Variants in P3H2 observed in about 807,000 individuals in gnomAD.
P3H2 encodes the protein prolyl 3-hydroxylase 2.
Under a neutral mutation model 87.0 loss-of-function variants are expected in P3H2, and 80 were observed. The ratio of observed to expected loss-of-function variants is 0.92; its 90% confidence interval spans 0.77 to 1.11. P3H2 has a LOEUF of 1.11. P3H2 is among the 50% of genes least tolerant of loss of function. The probability of loss-of-function intolerance (pLI) is 0.00; values close to 1 mark genes in which losing one functional copy is unlikely to be tolerated. For synonymous variants in P3H2, 367 were observed against 359.3 expected (o/e 1.02, Z -0.24); for missense variants, 1,001 against 923.9 (o/e 1.08, Z -1.08).
chr3:190,004,140 T>C (rs1724304779), intron 1 of P3H2, among the ~76,000 whole-genome samples: 1 of 152,212 alleles, frequency 6.6e-6, no homozygotes, highest in African/African-American at 2.4e-5. Context: ...ACAATCTAAC[T>C]TGTGAGGTTG....
chr3:190,083,818 G>C (rs941622722), intron 1 of P3H2, among the ~76,000 whole-genome samples: 20 of 152,096 alleles, frequency 1.3e-4, no homozygotes, highest in Admixed American at 1.3e-3. Context: ...AACCCTCCCT[G>C]GTGGCTCCCA....
In P3H2 at chr3:190,071,558, A is replaced by G. The variant is rs531844021; in HGVS notation, c.480+48694T>C. On this transcript the variant is annotated intron_variant, in intron 1 of 14. Coordinates refer to ENST00000319332, the MANE Select transcript of P3H2 (RefSeq NM_018192.4). The stretch of plus-strand genomic sequence containing the variant: ...TCCAAATCATTCCAATGAAGAATGT[A>G]AAAGCACAATTGTGCTGTTTTACTC... Among the ~76,000 whole-genome samples the G allele has an allele frequency of 2.0e-5, 3 of 152,334 alleles. No individual in the cohort carries two copies. In the South Asian group the frequency reaches 6.2e-4, roughly 32 times the overall value.
chr3:189,994,779 A>C (rs932219130), intron 2 of P3H2, among the ~76,000 whole-genome samples: 7 of 151,834 alleles, frequency 4.6e-5, no homozygotes, highest in African/African-American at 1.7e-4. Flanking sequence ...GGCTTTCAAC[A>C]TGTGATTTCA....
intron 1 of P3H2, among the ~76,000 whole-genome samples, chr3:190,061,861 T>C (rs116155156): frequency 0.027 from 4,106 of 152,242 alleles, 180 homozygotes; most frequent in African/African-American, 0.093. Flanking sequence ...TTTGAGAAAG[T>C]TCCTCAGTCT....
chr3:189,981,282 G>A (rs921612268), intron 8 of P3H2, among the ~76,000 whole-genome samples: 2 of 152,130 alleles, frequency 1.3e-5, no homozygotes, highest in African/African-American at 4.8e-5. Flanking sequence ...CTTGCAATTG[G>A]CATCTGAAAT....
At position 189,957,178 on chromosome 3, in the gene P3H2, G is replaced by A. The variant is rs1469004112; in HGVS notation, c.*734C>T. 1.5e-5 allele frequency: 6 copies of A among 398,622 alleles called. No homozygotes were observed. Among genetic ancestry groups the A allele is most frequent in the Middle Eastern group, 6.3e-4 (1 of 1,588 alleles). The allele number at this position is 398,622 out of a possible 1,614,324, so 24.7% of individuals were successfully genotyped here. ...ACAGTAATCATCCATGAGATCTCCC[G>A]GAGCCTGGGTGATCATTACGCCCAT... On this transcript the variant is annotated 3_prime_UTR_variant, in exon 15 of 15. Transcript: ENST00000319332.
upstream of P3H2, chr3:190,121,659 C>T (rs7636165): frequency 0.35 from 53,369 of 152,046 alleles, 9,796 homozygotes; most frequent in African/African-American, 0.48. Context: ...CCCAGAGAAC[C>T]TTTGGAGGCA....
intron 1 of P3H2, among the ~76,000 whole-genome samples, chr3:190,095,574 AAAAC>A (rs1727550053): frequency 6.6e-6 from 1 of 150,398 alleles, no homozygotes; most frequent in Non-Finnish European, 1.5e-5. Flanking sequence ...GGGAAATTAA[AAAAC>A]AAAAACAAGT....
intron 1 of P3H2, among the ~76,000 whole-genome samples, chr3:190,066,689 C>A (rs1233571532): frequency 3.9e-5 from 6 of 152,122 alleles, no homozygotes; most frequent in Non-Finnish European, 8.8e-5. Flanking sequence ...TGAAAAAAAT[C>A]TGATAGTGAA....
intron 1 of P3H2, among the ~76,000 whole-genome samples, chr3:190,058,725 T>C (rs760199347): frequency 1.3e-5 from 2 of 152,170 alleles, no homozygotes; most frequent in East Asian, 1.9e-4. Flanking sequence ...TCAACCTTCA[T>C]TTCAGCTACT....
At chr3:190,057,619 A>G (rs1231180970) in intron 1 of P3H2, among the ~76,000 whole-genome samples, 2 of 143,622 alleles carry the variant, frequency 1.4e-5, no homozygotes, top group Non-Finnish European at 3.1e-5. Context: ...CGCTGAGAGG[A>G]AAGAAAAAAG....
At chr3:190,063,300 T>C (rs939212696) in intron 1 of P3H2, among the ~76,000 whole-genome samples, 1 of 152,162 alleles carries the variant, frequency 6.6e-6, no homozygotes, top group African/African-American at 2.4e-5. Flanking sequence ...ACAGTATTTA[T>C]CATTTCCATG....
intron 1 of P3H2, among the ~76,000 whole-genome samples, chr3:190,041,274 T>TAAAAAAAAAAAAA (rs67754532): frequency 8.5e-6 from 1 of 117,772 alleles, no homozygotes; most frequent in African/African-American, 3.3e-5. Context: ...TAACCTGTCT[T>TAAAAAAAAAAAAA]AAAAAAAAAA....
chr3:190,058,763 TCA>T (rs773929957), intron 1 of P3H2, among the ~76,000 whole-genome samples: 1 of 152,110 alleles, frequency 6.6e-6, no homozygotes, highest in Non-Finnish European at 1.5e-5. Context: ...GCGCAAAAGG[TCA>T]CAGTGTTCTG....
chr3:189,973,507 C>CTTTTTTTTTTTTTTTTT lies in P3H2; in HGVS notation c.1548+401_1548+402insAAAAAAAAAAAAAAAAA, dbSNP rs879286759. On this transcript the variant is annotated intron_variant, in intron 10 of 14. Transcript: ENST00000319332. Reference sequence around the variant, plus strand: ...TCAAAACTTTTTTCTTTCTTTCTTTCTTTCTTTTTTTTTTTTTTTTTTTTT... The same window carrying CTTTTTTTTTTTTTTTTT: ...TCAAAACTTTTTTCTTTCTTTCTTTCTTTTTTTTTTTTTTTTTTTTCTTTTTTTTTTTTTTTTTTTTT... Among the ~76,000 whole-genome samples, 18 of 78,988 alleles carry CTTTTTTTTTTTTTTTTT rather than the reference C, an allele frequency of 2.3e-4. 1 individual carries two copies. Among genetic ancestry groups the CTTTTTTTTTTTTTTTTT allele is most frequent in the South Asian group, 5.3e-4 (1 of 1,904 alleles). The allele number at this position is 78,988 out of a possible 152,430, so 51.8% of individuals were successfully genotyped here.
At chr3:190,111,133 C>T (rs1293733290) in intron 1 of P3H2, among the ~76,000 whole-genome samples, 3 of 152,182 alleles carry the variant, frequency 2.0e-5, no homozygotes, top group Admixed American at 6.5e-5. Flanking sequence ...ACAGCATTGA[C>T]TCAGGTTCTT....
intron 1 of P3H2, among the ~76,000 whole-genome samples, chr3:190,034,353 A>C (rs1725350010): frequency 6.6e-6 from 1 of 152,260 alleles, no homozygotes; most frequent in Non-Finnish European, 1.5e-5. Context: ...TCTTTAAGCG[A>C]CAGAATTTGA....
At chr3:190,014,075 T>C (rs925222826) in intron 1 of P3H2, among the ~76,000 whole-genome samples, 4 of 152,190 alleles carry the variant, frequency 2.6e-5, no homozygotes, top group African/African-American at 9.7e-5. Context: ...ATGAGAAGTA[T>C]TTATTGCTTA....
chr3:190,112,006 C>T (rs838688), intron 1 of P3H2, among the ~76,000 whole-genome samples: 27,476 of 152,000 alleles, frequency 0.18, 2,625 homozygotes, highest in African/African-American at 0.24. Context: ...ATGGGGAGTG[C>T]GATAAAAATA....
Sources: gnomAD v4.1 joint callset for allele counts (sites outside exome capture counted in the v4.1 genomes callset) on GRCh38, gnomAD v4.1.1 for gene constraint, MANE v1.5 for transcripts, NCBI Gene and HGNC (gene_info 2026-07-23, HGNC 2026-07-21) for gene names.